The following SNX29 variants were observed in gnomAD, a reference collection of about 807,000 sequenced individuals.
The protein encoded by SNX29 is sorting nexin 29.
In SNX29, 78 loss-of-function variants were observed where a neutral mutation model predicts 102.1. The ratio of observed to expected loss-of-function variants is 0.76; its 90% confidence interval spans 0.64 to 0.92. SNX29 has a LOEUF of 0.92. Ranked by LOEUF, SNX29 falls within the 40% of genes least tolerant of loss-of-function variation. The probability of loss-of-function intolerance (pLI) is 0.00; values close to 1 mark genes in which losing one functional copy is unlikely to be tolerated. For missense variants in SNX29, 1,280 were observed against 1,061.7 expected (o/e 1.21, Z -2.86); for synonymous variants, 580 against 414.5 (o/e 1.40, Z -4.85).
At chr16:12,551,170 A>G (rs960100561) in intron 20 of SNX29, among the ~76,000 whole-genome samples, 6 of 152,148 alleles carry the variant, frequency 3.9e-5, no homozygotes, top group African/African-American at 7.2e-5. Context: ...CCTCAGTACC[A>G]TCGTGCAGAC....
intron 16 of SNX29, among the ~76,000 whole-genome samples, chr16:12,376,276 T>G (rs2082871220): frequency 6.6e-6 from 1 of 152,200 alleles, no homozygotes; most frequent in Non-Finnish European, 1.5e-5. Flanking sequence ...GAGCGAGTTG[T>G]CACAGGCTGA....
In SNX29 at chr16:12,507,103, C is replaced by T. The variant is rs557343008; in HGVS notation, c.2179-17599C>T. ...AGCTAAGTGCTCACTTTGTGTTGGG[C>T]ACTGCAACTATTGTTATCATCCCTC... is the stretch of plus-strand genomic sequence containing the variant. On this transcript the variant is annotated intron_variant, in intron 19 of 20. Coordinates refer to ENST00000566228, the MANE Select transcript of SNX29 (RefSeq NM_032167.5). Among the ~76,000 whole-genome samples the T allele has an allele frequency of 2.0e-5, 3 of 152,322 alleles. No individual in the cohort carries two copies. The South Asian group carries it at 6.2e-4, about 32-fold the overall frequency.
chr16:12,084,833 C>T (rs1230857390), intron 11 of SNX29, among the ~76,000 whole-genome samples: 1 of 152,108 alleles, frequency 6.6e-6, no homozygotes, highest in Non-Finnish European at 1.5e-5. Context: ...CTTTGGGAGG[C>T]CAAGGTGGGC....
intron 13 of SNX29, among the ~76,000 whole-genome samples, chr16:12,148,798 A>G (rs1029536933): frequency 1.3e-5 from 2 of 152,124 alleles, no homozygotes; most frequent in Non-Finnish European, 1.5e-5. Flanking sequence ...CCCGGGTTCA[A>G]GTGATTCTGC....
chr16:12,394,799 CCT>C (rs1400513196), intron 16 of SNX29, among the ~76,000 whole-genome samples: 1 of 152,218 alleles, frequency 6.6e-6, no homozygotes, highest in Non-Finnish European at 1.5e-5. Context: ...ATCTTTACTT[CCT>C]CTGTGTTTAT....
intron 13 of SNX29, among the ~76,000 whole-genome samples, chr16:12,147,961 A>G (rs533444291): frequency 1.9e-4 from 29 of 152,322 alleles, no homozygotes; most frequent in African/African-American, 6.5e-4. Context: ...AGCAGCAGCG[A>G]TGCAGTTTAA....
intron 1 of SNX29, among the ~76,000 whole-genome samples, chr16:11,991,623 A>C (rs2055853609): frequency 6.7e-6 from 1 of 149,864 alleles, no homozygotes; most frequent in African/African-American, 2.5e-5. Context: ...GCTCACTGCA[A>C]CCTCCGCCTC....
At chr16:12,084,687 G>C (rs1012037967) in intron 11 of SNX29, among the ~76,000 whole-genome samples, 2 of 152,170 alleles carry the variant, frequency 1.3e-5, no homozygotes, top group Non-Finnish European at 2.9e-5. Context: ...TCCTTATCAA[G>C]ATAGAGTGAC....
At chr16:12,491,928 G>T (rs996705716) in intron 19 of SNX29, among the ~76,000 whole-genome samples, 1 of 152,054 alleles carries the variant, frequency 6.6e-6, no homozygotes, top group Non-Finnish European at 1.5e-5. Context: ...CCAGTCTATC[G>T]TTGTTGGACA....
intron 8 of SNX29, among the ~76,000 whole-genome samples, chr16:12,056,197 G>C (rs1485861461): frequency 1.3e-5 from 2 of 152,186 alleles, no homozygotes; most frequent in African/African-American, 4.8e-5. Flanking sequence ...CCTTTACTTT[G>C]TAATCTGGGC....
chr16:12,312,527 C>T lies in SNX29; in HGVS notation c.1782+34491C>T, dbSNP rs375810345. 1.8e-4 allele frequency among the ~76,000 whole-genome samples: 28 copies of T among 152,142 alleles called. No homozygotes were observed. The East Asian group carries it at 2.7e-3, about 15-fold the overall frequency. On this transcript the variant is annotated intron_variant, in intron 15 of 20. Coordinates refer to ENST00000566228, the MANE Select transcript of SNX29 (RefSeq NM_032167.5). ...GTGTCCCATTGAGGCAGGTTTTACC[C>T]GGAAATAAGCTCCACGAGCCAGAAG...
chr16:12,258,001 C>T (rs1302351077), intron 14 of SNX29, among the ~76,000 whole-genome samples: 4 of 152,332 alleles, frequency 2.6e-5, no homozygotes, highest in African/African-American at 9.6e-5. Context: ...TCGCCTGGGT[C>T]AGGCCCCCAG....
intron 20 of SNX29, chr16:12,546,727 C>T (rs537813065): frequency 3.9e-5 from 6 of 152,048 alleles, no homozygotes; most frequent in African/African-American, 1.4e-4. Context: ...GACTAGAAAA[C>T]TAAGAAGATA....
At chr16:12,222,972 G>A (rs548072756) in intron 14 of SNX29, among the ~76,000 whole-genome samples, 4 of 152,350 alleles carry the variant, frequency 2.6e-5, no homozygotes, top group Admixed American at 6.5e-5. Flanking sequence ...TCAATGCAGG[G>A]CTCTGCAACT....
At chr16:12,137,834 C>T (rs74444188) in intron 13 of SNX29, among the ~76,000 whole-genome samples, 1 of 152,180 alleles carries the variant, frequency 6.6e-6, no homozygotes, top group Admixed American at 6.5e-5. Flanking sequence ...GCTTGAATTC[C>T]AGCCCAGCTT....
intron 16 of SNX29, among the ~76,000 whole-genome samples, chr16:12,385,438 T>C (rs1481991763): frequency 1.3e-5 from 2 of 152,136 alleles, no homozygotes; most frequent in African/African-American, 4.8e-5. Context: ...GGAATTCACA[T>C]TGTGTCCCGC....
At position 12,573,572 on chromosome 16, in the gene SNX29, C is replaced by T. The variant is rs2079231390; in HGVS notation, c.*4943C>T. 2 of 223,064 alleles carry T rather than the reference C, an allele frequency of 9.0e-6. No individual in the cohort carries two copies. The highest frequency in any genetic ancestry group is 1.1e-4 in the Admixed American group (2 of 17,436). The allele number at this position is 223,064 out of a possible 1,614,324, so 13.8% of individuals were successfully genotyped here. On this transcript the variant is annotated 3_prime_UTR_variant, in exon 21 of 21. Transcript: ENST00000566228. ...CCCATCCTAACCGGAAAACCACTCACCCAGGCTTCCCCCACTTCCCCTCAA... is the reference window on the plus strand; with the variant it reads ...CCCATCCTAACCGGAAAACCACTCATCCAGGCTTCCCCCACTTCCCCTCAA...
intron 3 of SNX29, among the ~76,000 whole-genome samples, chr16:12,026,725 ATAT>A (rs769416340): frequency 4.5e-4 from 69 of 152,336 alleles, no homozygotes; most frequent in Non-Finnish European, 8.8e-4. Context: ...ATCAGAATTC[ATAT>A]TATTATTATT....
intron 20 of SNX29, among the ~76,000 whole-genome samples, chr16:12,540,683 T>G (rs1054505473): frequency 1.3e-5 from 2 of 152,154 alleles, no homozygotes; most frequent in East Asian, 1.9e-4. Context: ...CTGGTCCCTC[T>G]TGTTGTAGAA....
Sources: allele counts gnomAD v4.1 joint callset (sites outside exome capture counted in the v4.1 genomes callset), GRCh38; gene constraint gnomAD v4.1.1; transcripts MANE v1.5; gene names NCBI Gene and HGNC (gene_info 2026-07-23, HGNC 2026-07-21).